The following LEF1 variants were observed in gnomAD, a reference collection of about 807,000 sequenced individuals.
The protein encoded by LEF1 is lymphoid enhancer-binding factor 1.
Under a neutral mutation model 51.2 loss-of-function variants are expected in LEF1, and 14 were observed. The observed-to-expected ratio is 0.27, with a 90% confidence interval of 0.18 to 0.43. The LOEUF (loss-of-function observed/expected upper bound fraction) is 0.43, where lower values mean the gene tolerates loss of function less well. Among genes scored for constraint, LEF1 ranks in the 20% least tolerant of loss-of-function variants. The probability of loss-of-function intolerance (pLI) is 1.00; values close to 1 mark genes in which losing one functional copy is unlikely to be tolerated. For missense variants in LEF1, 386 were observed against 512.0 expected, an observed-to-expected ratio of 0.75 and a Z score of 2.37; for synonymous variants, 185 against 183.2, an observed-to-expected ratio of 1.01 and a Z score of -0.08.
chr4:108,067,495 T>C (rs1738153520), intron 9 of LEF1, among the ~76,000 whole-genome samples: 1 of 150,656 alleles, frequency 6.6e-6, no homozygotes, highest in Non-Finnish European at 1.5e-5. Flanking sequence ...TTAGACAAAC[T>C]ACACCCAAAA....
At chr4:108,087,663 T>C (rs1739741128) in intron 4 of LEF1, among the ~76,000 whole-genome samples, 2 of 152,202 alleles carry the variant, frequency 1.3e-5, no homozygotes, top group African/African-American at 4.8e-5. Context: ...AAATAGGACC[T>C]AGGACAGGGT....
At chr4:108,116,570 C>T (rs907507139) in intron 3 of LEF1, among the ~76,000 whole-genome samples, 3 of 152,170 alleles carry the variant, frequency 2.0e-5, no homozygotes, top group Non-Finnish European at 4.4e-5. Context: ...CTGAACCACA[C>T]TAGAGTACAG....
At chr4:108,051,385 G>A (rs1455708690) in intron 11 of LEF1, among the ~76,000 whole-genome samples, 1 of 152,198 alleles carries the variant, frequency 6.6e-6, no homozygotes, top group Non-Finnish European at 1.5e-5. Flanking sequence ...AGAAACGGGG[G>A]CCTTGTAGTG....
chr4:108,134,928 G>A (rs1183881381), intron 3 of LEF1, among the ~76,000 whole-genome samples: 5 of 152,086 alleles, frequency 3.3e-5, no homozygotes, highest in African/African-American at 1.2e-4. Flanking sequence ...ACTTTAAAAG[G>A]GATACAGATG....
intron 8 of LEF1, among the ~76,000 whole-genome samples, chr4:108,075,010 T>A (rs182063991): frequency 6.6e-6 from 1 of 152,344 alleles, no homozygotes; most frequent in African/African-American, 2.4e-5. Context: ...TTCCTCTGAT[T>A]TCTTCTTTTA....
chr4:108,114,163 T>A (rs572950473), intron 3 of LEF1, among the ~76,000 whole-genome samples: 2 of 152,324 alleles, frequency 1.3e-5, no homozygotes, highest in East Asian at 3.9e-4. Context: ...AGGCCAGTTA[T>A]TTAGCATTTA....
intron 3 of LEF1, among the ~76,000 whole-genome samples, chr4:108,102,894 C>T: frequency 6.6e-6 from 1 of 152,172 alleles, no homozygotes; most frequent in East Asian, 1.9e-4. Flanking sequence ...TTACAAAGTG[C>T]TTCCATGACC....
intron 3 of LEF1, among the ~76,000 whole-genome samples, chr4:108,128,577 G>T (rs1742685965): frequency 6.6e-6 from 1 of 151,534 alleles, no homozygotes; most frequent in Non-Finnish European, 1.5e-5. Flanking sequence ...CCTTTGGAAA[G>T]ACATTACTTA....
At chr4:108,134,723 AG>A (rs1256424333) in intron 3 of LEF1, among the ~76,000 whole-genome samples, 3 of 152,260 alleles carry the variant, frequency 2.0e-5, no homozygotes, top group African/African-American at 7.2e-5. Context: ...ATGAAGTAGG[AG>A]GTAACATCGT....
At position 108,168,120 on chromosome 4, in the gene LEF1, C is replaced by T. The variant is rs1337016016; in HGVS notation, c.-353G>A. 2.0e-5 allele frequency: 3 copies of T among 152,798 alleles called. No homozygotes were observed. The highest frequency in any genetic ancestry group is 7.2e-5 in the African/African-American group (3 of 41,468). 9.5% of individuals were successfully genotyped at this position (152,798 alleles called of 1,614,324 possible). A position where few individuals can be genotyped will look rare whatever the true frequency, so the allele number is the denominator to read the frequency against. ...GGCTGCCCCGGCGGCCACCCCGCGA[C>T]CCCGCGTCGCCGGGATTTGCGCGCG... On this transcript the variant is annotated 5_prime_UTR_variant, in exon 1 of 12. Transcript: ENST00000265165. This position sits in a 1 kb window ranked among gnomAD's most constrained non-coding sequence, Gnocchi z 4.6.
At chr4:108,165,323 A>C in intron 1 of LEF1, 160 bp from the exon 2 acceptor site, 1 of 571,100 alleles carries the variant, frequency 1.8e-6, no homozygotes, top group Non-Finnish European at 3.1e-6. Flanking sequence ...AGTACTGCAT[A>C]ATCCTTTTCT....
At position 108,155,554 on chromosome 4, in the gene LEF1, G is replaced by A. The variant is rs578124395; in HGVS notation, c.414+8014C>T. 1.8e-3 allele frequency among the ~76,000 whole-genome samples: 280 copies of A among 152,344 alleles called. 1 individual carries two copies. Among genetic ancestry groups the A allele is most frequent in the South Asian group, 3.7e-3 (18 of 4,828 alleles). On this transcript the variant is annotated intron_variant, in intron 3 of 11. Coordinates refer to ENST00000265165, the MANE Select transcript of LEF1 (RefSeq NM_016269.5). ...CCCTTTCTCTGGAGTTTCCCGGGTAGAGTCAAGCACTTCTTATAGCTGCAG... is the reference window on the plus strand; with the variant it reads ...CCCTTTCTCTGGAGTTTCCCGGGTAAAGTCAAGCACTTCTTATAGCTGCAG...
At chr4:108,108,734 A>G (rs77485235) in intron 3 of LEF1, among the ~76,000 whole-genome samples, 3,991 of 152,294 alleles carry the variant, frequency 0.026, 160 homozygotes, top group African/African-American at 0.091. Context: ...TAAGATACAC[A>G]TGCACTGCGT....
intron 3 of LEF1, among the ~76,000 whole-genome samples, chr4:108,130,849 G>GA (rs1026993930): frequency 2.6e-5 from 4 of 151,926 alleles, no homozygotes; most frequent in Non-Finnish European, 5.9e-5. Context: ...AGTGAAGAAA[G>GA]AAAATTAATG....
intron 4 of LEF1, among the ~76,000 whole-genome samples, chr4:108,086,737 G>A (rs765134330): frequency 4.0e-5 from 6 of 151,710 alleles, no homozygotes; most frequent in Non-Finnish European, 7.4e-5. Flanking sequence ...TCTAAACCTA[G>A]GATTTCCTAA....
intron 3 of LEF1, among the ~76,000 whole-genome samples, chr4:108,097,590 T>C (rs1740479173): frequency 6.6e-6 from 1 of 152,160 alleles, no homozygotes; most frequent in Non-Finnish European, 1.5e-5. Context: ...ATTGGAATGT[T>C]CCTAACACAA....
In LEF1 at chr4:108,164,983, G is replaced by A. The variant is rs1745290586; in HGVS notation, c.280+114C>T. ...GTTTTCTTTACCATTAAAATAGTGG[G>A]CATAGTCTGACCTAGTCCCAGTTTC... On this transcript the variant is annotated intron_variant, in intron 2 of 11. Transcript: ENST00000265165. The A allele has an allele frequency of 3.8e-6, 3 of 786,640 alleles. No individual in the cohort carries two copies. In the East Asian group the frequency reaches 7.4e-5, roughly 19 times the overall value. The allele number at this position is 786,640 out of a possible 1,614,324, so 48.7% of individuals were successfully genotyped here.
At chr4:108,074,777 G>A (rs186800631) in intron 8 of LEF1, among the ~76,000 whole-genome samples, 1 of 152,248 alleles carries the variant, frequency 6.6e-6, no homozygotes, top group Non-Finnish European at 1.5e-5. Context: ...CATCCTTTAG[G>A]ACACATGCTC....
At chr4:108,080,845 G>C (rs975704428) in intron 6 of LEF1, among the ~76,000 whole-genome samples, 1 of 152,116 alleles carries the variant, frequency 6.6e-6, no homozygotes, top group East Asian at 1.9e-4. Flanking sequence ...TTTGACTTCC[G>C]GCACAATAAT....
Sources: allele counts gnomAD v4.1 joint callset (sites outside exome capture counted in the v4.1 genomes callset), GRCh38; gene constraint gnomAD v4.1.1; non-coding constraint Gnocchi (gnomAD v3.1); transcripts MANE v1.5; gene names NCBI Gene and HGNC (gene_info 2026-07-23, HGNC 2026-07-21).